The following CADPS2 variants were observed in gnomAD, a reference collection of about 807,000 sequenced individuals.
The protein encoded by CADPS2 is calcium dependent secretion activator 2, also known as calcium-dependent secretion activator 2.
CADPS2 carries 93 observed loss-of-function variants against 172.5 expected under a neutral mutation model. The observed-to-expected ratio is 0.54, with a 90% CI of 0.46 to 0.64. CADPS2 has a LOEUF of 0.64. Among genes scored for constraint, CADPS2 ranks in the 30% least tolerant of loss-of-function variants. The pLI, the probability that CADPS2 is intolerant of heterozygous loss-of-function variation, is 0.00. For missense variants in CADPS2, 1,420 were observed against 1,565.9 expected, an observed-to-expected ratio of 0.91 and a Z score of 1.57; for synonymous variants, 546 against 555.2, an observed-to-expected ratio of 0.98 and a Z score of 0.23.
intron 7 of CADPS2, among the ~76,000 whole-genome samples, chr7:122,573,016 G>A (rs578229651): frequency 1.3e-5 from 2 of 152,152 alleles, no homozygotes; most frequent in African/African-American, 4.8e-5. Flanking sequence ...CAATGTCTAC[G>A]AAATTTGAGC....
chr7:122,713,265 A>C (rs924689679), intron 2 of CADPS2, among the ~76,000 whole-genome samples: 3 of 150,396 alleles, frequency 2.0e-5, no homozygotes, highest in Admixed American at 6.7e-5. Flanking sequence ...TGAATTTTGC[A>C]AGTTTAATTA....
At chr7:122,742,503 C>T (rs779758973) in intron 1 of CADPS2, among the ~76,000 whole-genome samples, 1 of 151,976 alleles carries the variant, frequency 6.6e-6, no homozygotes, top group Non-Finnish European at 1.5e-5. Context: ...TAGCAATGTC[C>T]CTCTTAAAAT....
chr7:122,615,083 G>T, intron 6 of CADPS2, 98 bp downstream of exon 6: 1 of 624,960 alleles, frequency 1.6e-6, no homozygotes, highest in South Asian at 2.9e-5. Context: ...GTTTTAGAGG[G>T]TAATACCACA....
At chr7:122,711,250 C>T (rs2088668221) in intron 2 of CADPS2, among the ~76,000 whole-genome samples, 1 of 152,034 alleles carries the variant, frequency 6.6e-6, no homozygotes, top group African/African-American at 2.4e-5. Flanking sequence ...AATATGCAGC[C>T]ATAAAGTAAT....
intron 8 of CADPS2, among the ~76,000 whole-genome samples, chr7:122,551,144 A>G (rs946498624): frequency 6.6e-6 from 1 of 152,108 alleles, no homozygotes; most frequent in African/African-American, 2.4e-5. Context: ...AAATAGTCAT[A>G]TTAAAATGCA....
intron 25 of CADPS2, among the ~76,000 whole-genome samples, chr7:122,369,212 A>G (rs2041433175): frequency 7.5e-6 from 1 of 132,896 alleles, no homozygotes; most frequent in South Asian, 2.4e-4. Flanking sequence ...GCTCACTGCA[A>G]GCTCCGTCTC....
intron 1 of CADPS2, among the ~76,000 whole-genome samples, chr7:122,823,536 G>C (rs985375447): frequency 1.3e-5 from 2 of 152,028 alleles, no homozygotes; most frequent in Admixed American, 6.6e-5. Context: ...CTTATAGGCA[G>C]ATTCTAATTC....
At chr7:122,839,143 A>G (rs1197446769) in intron 1 of CADPS2, among the ~76,000 whole-genome samples, 3 of 152,204 alleles carry the variant, frequency 2.0e-5, no homozygotes, top group African/African-American at 4.8e-5. Context: ...TAACCATCTG[A>G]TCTTTGAGAA....
At chr7:122,342,511 A>C (rs1429191359) in intron 28 of CADPS2, among the ~76,000 whole-genome samples, 1 of 152,206 alleles carries the variant, frequency 6.6e-6, no homozygotes, top group Non-Finnish European at 1.5e-5. Flanking sequence ...CAGCTGCATC[A>C]CCTGCAAAGA....
At chr7:122,691,398 T>G (rs1270465455) in intron 2 of CADPS2, among the ~76,000 whole-genome samples, 1 of 152,240 alleles carries the variant, frequency 6.6e-6, no homozygotes, top group African/African-American at 2.4e-5. Context: ...CTCCATGCAC[T>G]GCTATAGGCC....
intron 3 of CADPS2, among the ~76,000 whole-genome samples, chr7:122,636,362 T>C (rs1468942284): frequency 1.3e-5 from 2 of 152,094 alleles, no homozygotes; most frequent in Non-Finnish European, 2.9e-5. Flanking sequence ...GGAAGCTTAG[T>C]TTGGCAGGAT....
chr7:122,634,314 G>A (rs1356387516), intron 3 of CADPS2, among the ~76,000 whole-genome samples: 1 of 152,052 alleles, frequency 6.6e-6, no homozygotes, highest in Non-Finnish European at 1.5e-5. Flanking sequence ...GCTCTTTTTG[G>A]TTAGTAATTT....
At chr7:122,569,870 C>T (rs1055738538) in intron 7 of CADPS2, among the ~76,000 whole-genome samples, 1 of 139,246 alleles carries the variant, frequency 7.2e-6, no homozygotes, top group East Asian at 2.0e-4. Flanking sequence ...ACACCTTATA[C>T]AAAAATCAAT....
At chr7:122,712,641 C>A (rs2088930456) in intron 2 of CADPS2, among the ~76,000 whole-genome samples, 1 of 152,048 alleles carries the variant, frequency 6.6e-6, no homozygotes, top group Non-Finnish European at 1.5e-5. Context: ...ACCAGAGAAG[C>A]ACAGTATCTT....
intron 1 of CADPS2, chr7:122,850,048 A>T: frequency 1.6e-6 from 2 of 1,289,316 alleles, no homozygotes; most frequent in Non-Finnish European, 2.0e-6. Flanking sequence ...CAGTTTGATG[A>T]TGAAGACCTG....
intron 27 of CADPS2, among the ~76,000 whole-genome samples, chr7:122,348,385 A>G (rs2038010281): frequency 6.6e-6 from 1 of 152,220 alleles, no homozygotes; most frequent in South Asian, 2.1e-4. Context: ...AGAAAACGAA[A>G]TGCTTTTCCT....
intron 1 of CADPS2, among the ~76,000 whole-genome samples, chr7:122,815,443 T>C (rs1801078918): frequency 6.6e-6 from 1 of 152,114 alleles, no homozygotes; most frequent in South Asian, 2.1e-4. Context: ...GAAAAGTTCA[T>C]CCACAATTTG....
chr7:122,883,462 T>C (rs1823493497), intron 1 of CADPS2, among the ~76,000 whole-genome samples: 1 of 152,230 alleles, frequency 6.6e-6, no homozygotes, highest in South Asian at 2.1e-4. Flanking sequence ...GCCTGACTAC[T>C]TGAAGATACA....
At chr7:122,738,542 C>T (rs985263813) in intron 1 of CADPS2, among the ~76,000 whole-genome samples, 4 of 152,064 alleles carry the variant, frequency 2.6e-5, no homozygotes, top group African/African-American at 9.7e-5. Context: ...TTAACAAACT[C>T]ATTCCAGTTC....
Sources: allele counts gnomAD v4.1 joint callset (sites outside exome capture counted in the v4.1 genomes callset), GRCh38; gene constraint gnomAD v4.1.1; transcripts MANE v1.5; gene names NCBI Gene and HGNC (gene_info 2026-07-23, HGNC 2026-07-21).